COL14A1: variants seen among roughly 807,000 people sequenced by gnomAD.
The protein encoded by COL14A1 is collagen alpha-1(XIV) chain.
In COL14A1, 136 loss-of-function variants were observed where a neutral mutation model predicts 230.3. The ratio of observed to expected loss-of-function variants is 0.59; its 90% CI spans 0.51 to 0.68. The LOEUF (loss-of-function observed/expected upper bound fraction) is 0.68. Among genes scored for constraint, COL14A1 ranks in the 30% least tolerant of loss-of-function variants. The pLI is 0.00. For synonymous variants in COL14A1, 792 were observed against 784.1 expected (o/e 1.01, Z -0.17); for missense variants, 1,976 against 2,215.8 (o/e 0.89, Z 2.17).
chr8:120,156,415 C>T (rs1015050973), intron 2 of COL14A1, among the ~76,000 whole-genome samples: 11 of 152,116 alleles, frequency 7.2e-5, no homozygotes, highest in Non-Finnish European at 1.5e-4. Context: ...GTGATCCACC[C>T]GTCTTGGCCT....
chr8:120,338,063 A>G (rs1822144948), intron 42 of COL14A1, among the ~76,000 whole-genome samples: 1 of 152,206 alleles, frequency 6.6e-6, no homozygotes, highest in Non-Finnish European at 1.5e-5. Context: ...TCAGGTTTGC[A>G]CTATAATTGT....
chr8:120,351,578 T>C (rs2130321321), intron 45 of COL14A1, among the ~76,000 whole-genome samples: 1 of 133,466 alleles, frequency 7.5e-6, no homozygotes, highest in African/African-American at 3.0e-5. Context: ...CCCACAGAAA[T>C]ACAAACTACC....
At chr8:120,149,953 C>G (rs1259550619) in intron 2 of COL14A1, among the ~76,000 whole-genome samples, 1 of 152,192 alleles carries the variant, frequency 6.6e-6, no homozygotes, top group East Asian at 1.9e-4. Flanking sequence ...CTTGGCCTCC[C>G]AAAGTGCTGG....
chr8:120,296,803 A>G (rs993283196), intron 34 of COL14A1, among the ~76,000 whole-genome samples: 1 of 151,994 alleles, frequency 6.6e-6, no homozygotes, highest in African/African-American at 2.4e-5. Flanking sequence ...GGCATGATCA[A>G]TGGCTTAAAT....
At chr8:120,332,108 C>G (rs368961925) in intron 40 of COL14A1, 33 bp from the exon 41 acceptor site, 9 of 1,607,456 alleles carry the variant, frequency 5.6e-6, no homozygotes, top group East Asian at 2.2e-5. Context: ...ATAAAGCAAC[C>G]ACTTGCTGAC....
chr8:120,298,209 G>A (rs1820587695), intron 35 of COL14A1, among the ~76,000 whole-genome samples: 1 of 151,846 alleles, frequency 6.6e-6, no homozygotes, highest in Non-Finnish European at 1.5e-5. Flanking sequence ...TCCAAAAAAA[G>A]TGTTGCAAAA....
At chr8:120,212,209 AAG>A (rs1357139825) in intron 12 of COL14A1, among the ~76,000 whole-genome samples, 1 of 152,184 alleles carries the variant, frequency 6.6e-6, no homozygotes, top group Non-Finnish European at 1.5e-5. Context: ...TCCAGATGTA[AAG>A]AGTTATCCTA....
chr8:120,190,235 G>T (rs898352020), intron 5 of COL14A1, among the ~76,000 whole-genome samples: 3 of 152,160 alleles, frequency 2.0e-5, no homozygotes, highest in Non-Finnish European at 4.4e-5. Flanking sequence ...CTGATGGCCA[G>T]TGATGGTGAG....
At chr8:120,159,722 CT>C (rs1377125650) in intron 3 of COL14A1, among the ~76,000 whole-genome samples, 3 of 151,956 alleles carry the variant, frequency 2.0e-5, no homozygotes, top group African/African-American at 7.2e-5. Context: ...CTGAGTTTCG[CT>C]CTTTGTTGCC....
At chr8:120,169,318 T>A (rs1816026168) in intron 5 of COL14A1, among the ~76,000 whole-genome samples, 1 of 152,220 alleles carries the variant, frequency 6.6e-6, no homozygotes, top group Non-Finnish European at 1.5e-5. Flanking sequence ...CGACTTAAAT[T>A]TTTTTCAGTA....
At chr8:120,264,016 T>C (rs1186801493) in intron 24 of COL14A1, among the ~76,000 whole-genome samples, 1 of 152,166 alleles carries the variant, frequency 6.6e-6, no homozygotes, top group Non-Finnish European at 1.5e-5. Context: ...AAGTGTGCAG[T>C]TCAATAATTT....
Position 120,131,537 on chromosome 8 carries a change from C to T in COL14A1, c.-38+6197C>T, listed in dbSNP as rs543708635. ...GAGAAATATCCGCTCATGCCCTTTGCCTACATTTTTAATAGGGTTATTTGT... is the reference window on the plus strand; with the variant it reads ...GAGAAATATCCGCTCATGCCCTTTGTCTACATTTTTAATAGGGTTATTTGT... On this transcript the variant is annotated intron_variant, in intron 1 of 47. Transcript: ENST00000297848. 5.7e-4 allele frequency among the ~76,000 whole-genome samples: 86 copies of T among 152,078 alleles called. 3 individuals are homozygous for T. In the South Asian group the frequency reaches 0.015, roughly 26 times the overall value.
chr8:120,259,229 G>A (rs1402114708), intron 23 of COL14A1, among the ~76,000 whole-genome samples: 2 of 152,146 alleles, frequency 1.3e-5, no homozygotes, highest in East Asian at 3.8e-4. Flanking sequence ...TACCAGAGTA[G>A]TTACCTGGAT....
intron 5 of COL14A1, among the ~76,000 whole-genome samples, chr8:120,186,846 G>A (rs1563658791): frequency 6.6e-6 from 1 of 152,168 alleles, no homozygotes; most frequent in Non-Finnish European, 1.5e-5. Flanking sequence ...AGATAAAGTG[G>A]CTAAAAAGAC....
intron 5 of COL14A1, among the ~76,000 whole-genome samples, chr8:120,186,779 C>T (rs1816667688): frequency 6.6e-6 from 1 of 152,154 alleles, no homozygotes; most frequent in South Asian, 2.1e-4. Context: ...TATTTTTTAA[C>T]AACACAATTC....
At position 120,208,361 on chromosome 8, in the gene COL14A1, C is replaced by T. The variant is rs200198894; in HGVS notation, c.1321C>T (p.Leu441Phe). The change falls in exon 11 of 48, where the codon CTT becomes TTT. Residue 441 changes from leucine (L) to phenylalanine (F), a missense_variant and splice_region_variant. Transcript: ENST00000297848. ...SEGLRGTETT[L>F]ALPMASDLLL... The stretch of plus-strand genomic sequence containing the variant: ...AGGCCTACGGGGAACTGAAACTACA[C>T]GTATGTATTTAATTCTACCCCACTT... 20 of 1,611,904 alleles carry T rather than the reference C, an allele frequency of 1.2e-5. No homozygotes were observed. The highest frequency in any genetic ancestry group is 6.7e-5 in the East Asian group (3 of 44,844).
At chr8:120,218,213 T>A (rs1817823602) in intron 14 of COL14A1, among the ~76,000 whole-genome samples, 1 of 140,176 alleles carries the variant, frequency 7.1e-6, no homozygotes, top group Non-Finnish European at 1.5e-5. Context: ...AAATATATAA[T>A]ATATAAATAT....
At chr8:120,285,708 C>G (rs6469904) in intron 32 of COL14A1, among the ~76,000 whole-genome samples, 153 bp from the exon 33 acceptor site, 5 of 152,070 alleles carry the variant, frequency 3.3e-5, no homozygotes, top group Non-Finnish European at 7.4e-5. Flanking sequence ...TCTGCGGCAA[C>G]CTGGGGACTG....
intron 11 of COL14A1, 132 bp downstream of exon 11, chr8:120,208,493 T>C (rs936580043): frequency 9.9e-7 from 1 of 1,009,542 alleles, no homozygotes; most frequent in African/African-American, 1.6e-5. Context: ...ATAGAAGACA[T>C]TTGTCGTGCT....
Sources: gnomAD v4.1 joint callset for allele counts (sites outside exome capture counted in the v4.1 genomes callset) on GRCh38, gnomAD v4.1.1 for gene constraint, MANE v1.5 for transcripts, NCBI Gene and HGNC (gene_info 2026-07-23, HGNC 2026-07-21) for gene names.